Variants in PDE3B observed in about 807,000 individuals in gnomAD.
PDE3B encodes the protein phosphodiesterase 3B.
PDE3B carries 66 observed loss-of-function variants against 116.8 expected under a neutral mutation model. The ratio of observed to expected loss-of-function variants is 0.56; its 90% CI spans 0.46 to 0.69. The LOEUF is 0.69. Ranked by LOEUF, PDE3B falls within the 30% of genes least tolerant of loss-of-function variation. The probability of loss-of-function intolerance (pLI) is 0.00; values close to 1 mark genes in which losing one functional copy is unlikely to be tolerated. For synonymous variants in PDE3B, 595 were observed against 533.6 expected, an observed-to-expected ratio of 1.12 and a Z score of -1.59; for missense variants, 1,384 against 1,368.1, an observed-to-expected ratio of 1.01 and a Z score of -0.18.
chr11:14,806,332 C>T (rs1010444041), intron 5 of PDE3B, among the ~76,000 whole-genome samples: 14 of 150,928 alleles, frequency 9.3e-5, no homozygotes, highest in African/African-American at 3.4e-4. Flanking sequence ...CCTGTAGTTG[C>T]AGCTACTCGG....
chr11:14,891,600 G>C, the PDE3B span: 1 of 1,061,834 alleles, frequency 9.4e-7, no homozygotes, highest in Non-Finnish European at 1.1e-6. Flanking sequence ...CCACAGAGCT[G>C]CGAGGCCGAC....
chr11:14,751,895 A>G (rs558552964), intron 1 of PDE3B, among the ~76,000 whole-genome samples: 16 of 152,254 alleles, frequency 1.1e-4, no homozygotes, highest in African/African-American at 3.4e-4. Flanking sequence ...GCCCTTGCTA[A>G]CAGGCTGAGT....
chr11:14,749,215 C>CT (rs1160668178), intron 1 of PDE3B, among the ~76,000 whole-genome samples: 1 of 151,440 alleles, frequency 6.6e-6, no homozygotes, highest in Non-Finnish European at 1.5e-5. Flanking sequence ...TTGTATAAAA[C>CT]TTTTTTTTTA....
intron 14 of PDE3B, among the ~76,000 whole-genome samples, chr11:14,865,636 T>C (rs1848030503): frequency 6.6e-6 from 1 of 152,034 alleles, no homozygotes; most frequent in Non-Finnish European, 1.5e-5. Context: ...ATTTTACTAT[T>C]ATCTATTTAA....
intron 7 of PDE3B, among the ~76,000 whole-genome samples, chr11:14,823,647 G>A (rs551898339): frequency 7.2e-5 from 11 of 152,062 alleles, no homozygotes; most frequent in Non-Finnish European, 1.0e-4. Flanking sequence ...AACCTCCCTG[G>A]GATGGAGCTC....
chr11:14,715,039 T>C (rs1250863744), intron 1 of PDE3B, among the ~76,000 whole-genome samples: 1 of 152,196 alleles, frequency 6.6e-6, no homozygotes, highest in East Asian at 1.9e-4. Flanking sequence ...TAATTAATTG[T>C]TTATGTTCTG....
chr11:14,658,349 T>G (rs1029140474), intron 1 of PDE3B, among the ~76,000 whole-genome samples: 1 of 152,156 alleles, frequency 6.6e-6, no homozygotes, highest in Non-Finnish European at 1.5e-5. Context: ...TTTTAATTTT[T>G]GCTTGTCGCC....
intron 4 of PDE3B, among the ~76,000 whole-genome samples, chr11:14,798,791 T>C (rs560320219): frequency 6.6e-6 from 1 of 152,362 alleles, no homozygotes; most frequent in South Asian, 2.1e-4. Context: ...CCCTGTATCA[T>C]TTTTTAATGT....
intron 4 of PDE3B, among the ~76,000 whole-genome samples, chr11:14,794,712 A>G (rs562625119): frequency 9.9e-5 from 15 of 152,200 alleles, no homozygotes; most frequent in African/African-American, 2.4e-4. Context: ...TCTGATGCCA[A>G]TAGCAAGCCT....
intron 4 of PDE3B, among the ~76,000 whole-genome samples, chr11:14,790,961 C>G (rs1858365238): frequency 6.6e-6 from 1 of 152,042 alleles, no homozygotes; most frequent in African/African-American, 2.4e-5. Flanking sequence ...TAGTTTATAT[C>G]TGCACTGTCT....
Position 14,830,684 on chromosome 11 carries a change from ATAT to A in PDE3B, c.1808-12_1808-10del. 7.5e-7 allele frequency: 1 copy of A among 1,331,884 alleles called. No individual in the cohort carries two copies. The highest frequency in any genetic ancestry group is 1.0e-6 in the Non-Finnish European group (1 of 984,652). The allele number at this position is 1,331,884 out of a possible 1,614,324, so 82.5% of individuals were successfully genotyped here. A position where few individuals can be genotyped will look rare whatever the true frequency, so the allele number is the denominator to read the frequency against. On this transcript the variant is annotated splice_polypyrimidine_tract_variant and intron_variant, in intron 7 of 15. Transcript: ENST00000282096. ...ATTTTACTCCTATATATTACTATAT[ATAT>A]TTTTTGAAAGGTGAAGAAGAAAACA...
At chr11:14,854,455 C>T (rs1847811484) in intron 12 of PDE3B, among the ~76,000 whole-genome samples, 1 of 152,088 alleles carries the variant, frequency 6.6e-6, no homozygotes, top group African/African-American at 2.4e-5. Flanking sequence ...TCACTCATCC[C>T]AAGGGGAGAG....
chr11:14,865,289 G>A (rs989344343), intron 14 of PDE3B, among the ~76,000 whole-genome samples: 6 of 152,124 alleles, frequency 3.9e-5, no homozygotes, highest in African/African-American at 1.4e-4. Context: ...ATGTAGGAGT[G>A]CACTGATTTC....
At chr11:14,682,452 G>A (rs895309679) in intron 1 of PDE3B, among the ~76,000 whole-genome samples, 9 of 152,112 alleles carry the variant, frequency 5.9e-5, no homozygotes, top group African/African-American at 1.7e-4. Flanking sequence ...TAAATATGAT[G>A]TTGGCTGTAG....
chr11:14,894,379 G>A, the PDE3B span, among the ~76,000 whole-genome samples: 1 of 152,134 alleles, frequency 6.6e-6, no homozygotes, highest in Non-Finnish European at 1.5e-5. Context: ...TCACCTATGG[G>A]ATGCCTGAGA....
the PDE3B span, chr11:14,887,742 A>G: frequency 1.7e-6 from 1 of 582,806 alleles, no homozygotes; most frequent in Non-Finnish European, 2.2e-6. Flanking sequence ...CAAGTGGTTG[A>G]GGCCCAGGAC....
chr11:14,890,616 G>C, the PDE3B span: 9 of 202,346 alleles, frequency 4.4e-5, no homozygotes, highest in Non-Finnish European at 7.5e-6. Flanking sequence ...GCGCGATCTC[G>C]GCTCACTGAA....
intron 5 of PDE3B, among the ~76,000 whole-genome samples, chr11:14,812,467 A>C (rs534469433): frequency 6.6e-6 from 1 of 152,328 alleles, no homozygotes; most frequent in South Asian, 2.1e-4. Context: ...TGTCGGAAGA[A>C]GCTAAAGCAG....
At chr11:14,655,674 C>T (rs777313102) in intron 1 of PDE3B, among the ~76,000 whole-genome samples, 4 of 152,020 alleles carry the variant, frequency 2.6e-5, no homozygotes, top group African/African-American at 4.8e-5. Context: ...AAATAGTGAT[C>T]AGTTTTTCGG....
Sources: allele counts gnomAD v4.1 joint callset (sites outside exome capture counted in the v4.1 genomes callset), GRCh38; gene constraint gnomAD v4.1.1; transcripts MANE v1.5; gene names NCBI Gene and HGNC (gene_info 2026-07-23, HGNC 2026-07-21).